OPCML: variants seen among roughly 807,000 people sequenced by gnomAD.
OPCML encodes opioid binding protein/cell adhesion molecule like.
In OPCML, 13 loss-of-function variants were observed where a neutral mutation model predicts 37.8. That is an observed-to-expected ratio of 0.34 (90% CI 0.22 to 0.55). The LOEUF (loss-of-function observed/expected upper bound fraction) is 0.55. Ranked by LOEUF, OPCML falls within the 20% of genes least tolerant of loss-of-function variation. The pLI is 0.91. For missense variants in OPCML, 341 were observed against 435.6 expected (o/e 0.78, Z 1.93); for synonymous variants, 176 against 168.8 (o/e 1.04, Z -0.33).
chr11:133,054,865 T>A (rs1948196525), intron 1 of OPCML, among the ~76,000 whole-genome samples: 2 of 151,736 alleles, frequency 1.3e-5, no homozygotes, highest in East Asian at 3.9e-4. Context: ...TACTGTACAA[T>A]GCTGCCTCCA....
At chr11:133,366,386 G>T in intron 1 of OPCML, among the ~76,000 whole-genome samples, 1 of 152,184 alleles carries the variant, frequency 6.6e-6, no homozygotes, top group East Asian at 1.9e-4. Context: ...TCAGGAAAAA[G>T]AAGGGAAGTA....
At chr11:132,458,867 GTAGCC>G (rs1326029371) in intron 4 of OPCML, among the ~76,000 whole-genome samples, 1 of 152,150 alleles carries the variant, frequency 6.6e-6, no homozygotes, top group Non-Finnish European at 1.5e-5. Context: ...TGAAGAAAAT[GTAGCC>G]TCCCTCATAA....
chr11:132,786,693 G>A (rs889745086), intron 2 of OPCML, among the ~76,000 whole-genome samples: 14 of 152,050 alleles, frequency 9.2e-5, no homozygotes, highest in Non-Finnish European at 1.5e-5. Flanking sequence ...TACCATGTAG[G>A]TGTTTAAAAA....
rs143476718 is a variant in OPCML at position 132,613,336 on chromosome 11, C to T, written c.379+43751G>A. On this transcript the variant is annotated intron_variant, in intron 3 of 7. Transcript: ENST00000524381. The stretch of plus-strand genomic sequence containing the variant: ...GAGCTCATTGTTCAGGAATCTAAAT[C>T]GGGACATCCTCACTGAACTTTAAAT... Among the ~76,000 whole-genome samples the T allele has an allele frequency of 1.2e-4, 18 of 152,294 alleles. No homozygotes were observed. In the East Asian group the frequency reaches 2.1e-3, roughly 18 times the overall value.
chr11:132,424,344 C>A (rs2095970698), intron 7 of OPCML, among the ~76,000 whole-genome samples: 1 of 152,152 alleles, frequency 6.6e-6, no homozygotes, highest in African/African-American at 2.4e-5. Flanking sequence ...TGTTCTCGAA[C>A]TCCTGACCTC....
At chr11:132,871,545 G>C (rs1235879720) in intron 2 of OPCML, among the ~76,000 whole-genome samples, 1 of 152,168 alleles carries the variant, frequency 6.6e-6, no homozygotes, top group East Asian at 1.9e-4. Context: ...CTGGATTTGG[G>C]TATAGGTGGA....
chr11:132,622,497 C>T (rs1939482870), intron 3 of OPCML, among the ~76,000 whole-genome samples: 1 of 152,186 alleles, frequency 6.6e-6, no homozygotes, highest in Non-Finnish European at 1.5e-5. Context: ...TAACCAACTG[C>T]TCTTGGAAAA....
chr11:133,501,252 G>A (rs1947907588), intron 1 of OPCML, among the ~76,000 whole-genome samples: 1 of 152,138 alleles, frequency 6.6e-6, no homozygotes, highest in Admixed American at 6.5e-5. Context: ...CTCCCTCCAG[G>A]GATGACGTTC....
chr11:132,837,326 GCAAA>G (rs148168877), intron 2 of OPCML, among the ~76,000 whole-genome samples: 10,123 of 151,818 alleles, frequency 0.067, 383 homozygotes, highest in Non-Finnish European at 0.076. Context: ...AAACAAACAA[GCAAA>G]CAAACAAACA....
In OPCML at chr11:133,532,358, G is replaced by GC; in HGVS notation, c.-35dup. The GC allele has an allele frequency of 6.2e-7, 1 of 1,608,152 alleles. No homozygotes were observed. Among genetic ancestry groups the GC allele is most frequent in the Non-Finnish European group, 8.5e-7 (1 of 1,177,226 alleles). Reference sequence around the variant, plus strand: ...TGCGGTGCTCTCAGCTGCCGGGCTTGCTACTGCTTCTGCTGCTGCTACCGC... The same window carrying GC: ...TGCGGTGCTCTCAGCTGCCGGGCTTGCCTACTGCTTCTGCTGCTGCTACCGC... On this transcript the variant is annotated 5_prime_UTR_variant, in exon 1 of 8. Coordinates refer to ENST00000524381, the MANE Select transcript of OPCML (RefSeq NM_001012393.5).
intron 1 of OPCML, among the ~76,000 whole-genome samples, chr11:133,345,182 G>A (rs1240697552): frequency 1.3e-5 from 2 of 152,146 alleles, no homozygotes; most frequent in East Asian, 3.9e-4. Context: ...AGCCAGGTCT[G>A]TTTTAAAGAA....
intron 2 of OPCML, among the ~76,000 whole-genome samples, chr11:132,854,169 G>T (rs368895859): frequency 6.6e-6 from 1 of 152,110 alleles, no homozygotes; most frequent in Non-Finnish European, 1.5e-5. Flanking sequence ...TACTATTACC[G>T]ATTTAATACA....
intron 2 of OPCML, among the ~76,000 whole-genome samples, chr11:132,669,160 T>A (rs1463920335): frequency 6.6e-6 from 1 of 152,004 alleles, no homozygotes; most frequent in Admixed American, 6.6e-5. Context: ...GCTTAGGCAC[T>A]AGTGTTGTCC....
At chr11:132,891,315 A>G (rs1943640087) in intron 2 of OPCML, among the ~76,000 whole-genome samples, 1 of 152,204 alleles carries the variant, frequency 6.6e-6, no homozygotes, top group African/African-American at 2.4e-5. Context: ...CCATCTGGTC[A>G]GAAAGATTTT....
chr11:132,944,214 G>A (rs1423404218), intron 1 of OPCML, among the ~76,000 whole-genome samples: 3 of 152,150 alleles, frequency 2.0e-5, no homozygotes, highest in African/African-American at 7.2e-5. Context: ...GGGAGGGAGA[G>A]GGGAGGGCGG....
intron 4 of OPCML, among the ~76,000 whole-genome samples, chr11:132,462,261 T>G (rs1228089166): frequency 6.6e-6 from 1 of 152,148 alleles, no homozygotes; most frequent in Non-Finnish European, 1.5e-5. Flanking sequence ...AGGTGAAGTA[T>G]TCAGTGTTCT....
At chr11:132,901,817 C>T (rs1401110062) in intron 2 of OPCML, among the ~76,000 whole-genome samples, 3 of 152,192 alleles carry the variant, frequency 2.0e-5, no homozygotes, top group African/African-American at 4.8e-5. Flanking sequence ...AAGTAGATTA[C>T]TCAAATGCAT....
chr11:133,314,150 G>A (rs1362462061), intron 1 of OPCML, among the ~76,000 whole-genome samples: 5 of 143,444 alleles, frequency 3.5e-5, no homozygotes, highest in Admixed American at 2.3e-4. Flanking sequence ...CAGGAGAATG[G>A]CGTGAACCCA....
intron 1 of OPCML, among the ~76,000 whole-genome samples, chr11:133,121,556 C>T (rs532672765): frequency 6.6e-6 from 1 of 152,180 alleles, no homozygotes; most frequent in South Asian, 2.1e-4. Context: ...AATCCTGGGC[C>T]GAGGGTCAAC....
Sources: allele counts gnomAD v4.1 joint callset (sites outside exome capture counted in the v4.1 genomes callset), GRCh38; gene constraint gnomAD v4.1.1; transcripts MANE v1.5; gene names NCBI Gene and HGNC (gene_info 2026-07-23, HGNC 2026-07-21).